Variants in CUL2 observed in about 807,000 individuals in gnomAD.
CUL2 encodes the protein cullin-2.
Under a neutral mutation model 110.2 loss-of-function variants are expected in CUL2, and 22 were observed. That is an observed-to-expected ratio of 0.20 (90% CI 0.14 to 0.28). The LOEUF (loss-of-function observed/expected upper bound fraction) is 0.28. Among genes scored for constraint, CUL2 ranks in the 10% least tolerant of loss-of-function variants. CUL2 has a pLI of 1.00. For synonymous variants in CUL2, 279 were observed against 293.2 expected (o/e 0.95, Z 0.49); for missense variants, 631 against 905.5 (o/e 0.70, Z 3.89).
intron 4 of CUL2, among the ~76,000 whole-genome samples, chr10:35,055,364 G>A (rs2086216616): frequency 6.6e-6 from 1 of 152,134 alleles, no homozygotes; most frequent in Admixed American, 6.6e-5. Context: ...AAAATGAAGG[G>A]TCCACTCAGC....
Position 35,035,278 on chromosome 10 carries a change from A to G in CUL2, c.896T>C (p.Val299Ala). 6.2e-7 allele frequency: 1 copy of G among 1,614,088 alleles called. No homozygotes were observed. Among genetic ancestry groups the G allele is most frequent in the Non-Finnish European group, 8.5e-7 (1 of 1,179,974 alleles). Residue 299 changes from valine to alanine, a missense_variant, in exon 10 of 21, where the codon GTC becomes GCC. By Grantham distance (64) the Val-to-Ala change is moderately conservative. Transcript: ENST00000374749. Reference protein sequence around the residue: ...EKKNDMANMYVLLRAVSTGLP... With the variant: ...EKKNDMANMYALLRAVSTGLP... ...ACCAGTGGACACAGCACGGAGTAAG[A>G]CGTACATATTTGCCATGTCTGAGAG...
intron 2 of CUL2, among the ~76,000 whole-genome samples, chr10:35,096,739 G>T (rs1014352556): frequency 1.3e-5 from 2 of 151,976 alleles, no homozygotes; most frequent in Admixed American, 6.6e-5. Context: ...AGAGACAGAT[G>T]GTGTTGTTTG....
chr10:35,114,450 T>C (rs2087566339), intron 1 of CUL2, among the ~76,000 whole-genome samples: 1 of 151,912 alleles, frequency 6.6e-6, no homozygotes, highest in African/African-American at 2.4e-5. Flanking sequence ...TGGCACAATC[T>C]TAGCTTACTG....
intron 1 of CUL2, among the ~76,000 whole-genome samples, chr10:35,113,401 G>A (rs2087546817): frequency 6.8e-6 from 1 of 147,180 alleles, no homozygotes; most frequent in South Asian, 2.2e-4. Flanking sequence ...GGGAGGCTGG[G>A]GCAGTAGAAT....
At chr10:35,091,796 A>G (rs147323023), upstream of CUL2, among the ~76,000 whole-genome samples, 1,115 of 149,958 alleles carry the variant, frequency 7.4e-3, 28 homozygotes, top group East Asian at 0.09. Flanking sequence ...AATTTTTTGT[A>G]TTTTGTAGAG....
chr10:35,055,809 A>G (rs2086227748), intron 4 of CUL2, among the ~76,000 whole-genome samples: 1 of 152,174 alleles, frequency 6.6e-6, no homozygotes, highest in Non-Finnish European at 1.5e-5. Flanking sequence ...TCAAAATTTC[A>G]TGCTGAGTTT....
intron 9 of CUL2, among the ~76,000 whole-genome samples, chr10:35,037,642 G>A (rs796847102): frequency 6.6e-6 from 1 of 151,782 alleles, no homozygotes; most frequent in South Asian, 2.1e-4. Flanking sequence ...TCAGGAGTTC[G>A]AGACCAGCCG....
At chr10:35,077,101 T>C (rs1419496170) in intron 1 of CUL2, among the ~76,000 whole-genome samples, 1 of 152,162 alleles carries the variant, frequency 6.6e-6, no homozygotes, top group African/African-American at 2.4e-5. Context: ...ATAGCTCAAG[T>C]GTCTATCAAC....
chr10:35,073,130 T>C (rs1439831686), intron 1 of CUL2, among the ~76,000 whole-genome samples: 1 of 152,076 alleles, frequency 6.6e-6, no homozygotes, highest in Non-Finnish European at 1.5e-5. Context: ...AAAAGCCAAA[T>C]ATCCAAAAGA....
intron 1 of CUL2, among the ~76,000 whole-genome samples, chr10:35,123,708 A>G (rs1190394295): frequency 6.6e-6 from 1 of 152,174 alleles, no homozygotes; most frequent in African/African-American, 2.4e-5. Context: ...AAAAATCAAG[A>G]TTCAGGTATG....
intron 1 of CUL2, among the ~76,000 whole-genome samples, chr10:35,115,553 C>A (rs745386748): frequency 3.3e-5 from 5 of 151,618 alleles, no homozygotes; most frequent in Non-Finnish European, 7.4e-5. Context: ...GAGCAATACT[C>A]CATCTCAAAA....
intron 8 of CUL2, among the ~76,000 whole-genome samples, chr10:35,041,601 A>T (rs757571213): frequency 6.6e-6 from 1 of 152,156 alleles, no homozygotes; most frequent in Non-Finnish European, 1.5e-5. Flanking sequence ...GCAGTGGTGC[A>T]ATCTCGGCTC....
At chr10:35,064,614 CG>C (rs1564733417) in intron 2 of CUL2, among the ~76,000 whole-genome samples, 1 of 152,114 alleles carries the variant, frequency 6.6e-6, no homozygotes, top group Admixed American at 6.5e-5. Context: ...CTCCAGAAAG[CG>C]CAAGCAGCCC....
rs1193490098 is a variant in CUL2, at chr10:35,044,734, AAC to A, written c.603+36_603+37del. On this transcript the variant is annotated intron_variant, in intron 7 of 20. Transcript: ENST00000374749. ...ATTAGAACAAGCAGTTTAAGAAATT[AAC>A]AGTCTGATTATTTGTTTTTAAAGGA... 4 of 1,583,468 alleles carry A rather than the reference AAC, an allele frequency of 2.5e-6. No homozygotes were observed. The African/African-American group carries it at 4.0e-5, about 16-fold the overall frequency.
intron 5 of CUL2, among the ~76,000 whole-genome samples, chr10:35,051,170 C>G (rs533511654): frequency 1.3e-5 from 2 of 151,016 alleles, no homozygotes; most frequent in Non-Finnish European, 2.9e-5. Flanking sequence ...AAAAAATTAG[C>G]GGGGCGTGGT....
chr10:35,055,094 A>G (rs1377130251), intron 4 of CUL2, among the ~76,000 whole-genome samples: 4 of 152,340 alleles, frequency 2.6e-5, no homozygotes, highest in Non-Finnish European at 4.4e-5. Flanking sequence ...CAAGACTAAT[A>G]TATGTGATTA....
intron 5 of CUL2, among the ~76,000 whole-genome samples, chr10:35,050,295 T>TA (rs1355609940): frequency 6.7e-6 from 1 of 149,430 alleles, no homozygotes; most frequent in Non-Finnish European, 1.5e-5. Flanking sequence ...CACTCCAGCC[T>TA]GGTGACAACA....
At chr10:35,075,469 C>T (rs148651675) in intron 1 of CUL2, among the ~76,000 whole-genome samples, 110 of 152,230 alleles carry the variant, frequency 7.2e-4, no homozygotes, top group African/African-American at 2.5e-3. Flanking sequence ...TGTGCCTTAA[C>T]GAGATTCCCA....
chr10:35,017,456 G>A (rs1326637520), intron 17 of CUL2, among the ~76,000 whole-genome samples: 1 of 152,166 alleles, frequency 6.6e-6, no homozygotes, highest in Non-Finnish European at 1.5e-5. Flanking sequence ...CACTTTGAAA[G>A]GCCGAGGTGG....
Sources: gnomAD v4.1 joint callset for allele counts (sites outside exome capture counted in the v4.1 genomes callset) on GRCh38, gnomAD v4.1.1 for gene constraint, MANE v1.5 for transcripts, NCBI Gene and HGNC (gene_info 2026-07-23, HGNC 2026-07-21) for gene names.